The following RTN4RL1 variants were observed in gnomAD, a reference collection of about 807,000 sequenced individuals.
The protein encoded by RTN4RL1 is reticulon 4 receptor like 1.
A neutral mutation model predicts 25.6 loss-of-function variants in RTN4RL1; 7 were observed. That is an observed-to-expected ratio of 0.27 (90% CI 0.16 to 0.51). RTN4RL1 has a LOEUF of 0.51. RTN4RL1 is among the 20% of genes least tolerant of loss of function. The probability of loss-of-function intolerance (pLI) is 0.97; values close to 1 mark genes in which losing one functional copy is unlikely to be tolerated. For synonymous variants in RTN4RL1, 297 were observed against 288.2 expected, an observed-to-expected ratio of 1.03 and a Z score of -0.31; for missense variants, 500 against 615.6, an observed-to-expected ratio of 0.81 and a Z score of 1.99.
At chr17:1,985,298 A>G (rs1285807365) in intron 1 of RTN4RL1, among the ~76,000 whole-genome samples, 1 of 152,120 alleles carries the variant, frequency 6.6e-6, no homozygotes, top group African/African-American at 2.4e-5. Flanking sequence ...CTCCTCTGTC[A>G]ACTCTGCCCG....
At chr17:1,999,457 A>AAC (rs35596203) in intron 1 of RTN4RL1, among the ~76,000 whole-genome samples, 252 of 146,026 alleles carry the variant, frequency 1.7e-3, no homozygotes, top group African/African-American at 4.1e-3. Context: ...AAAAAAATAA[A>AAC]ACACACACAC....
Position 2,025,026 on chromosome 17 carries a change from G to A in RTN4RL1, c.-161C>T. On this transcript the variant is annotated 5_prime_UTR_variant, in exon 1 of 2. Coordinates refer to ENST00000331238, the MANE Select transcript of RTN4RL1 (RefSeq NM_178568.4). The surrounding 1 kb of genome is among the most constrained non-coding windows in gnomAD (Gnocchi z 4.8). ...CGGTGGCCCGGCCCCGCAGGGGCAT[G>A]GTGAGCTCCAGCCCCGCGCCGAGGG... The A allele has an allele frequency of 1.5e-6, 1 of 662,066 alleles. No individual in the cohort carries two copies. Among genetic ancestry groups the A allele is most frequent in the Non-Finnish European group, 2.4e-6 (1 of 414,622 alleles). The allele number at this position is 662,066 out of a possible 1,614,324, so 41.0% of individuals were successfully genotyped here. A position where few individuals can be genotyped will look rare whatever the true frequency, so the allele number is the denominator to read the frequency against.
At chr17:2,000,241 AGCCAAGGATATTGGGT>A (rs1162404299) in intron 1 of RTN4RL1, among the ~76,000 whole-genome samples, 5 of 152,240 alleles carry the variant, frequency 3.3e-5, no homozygotes, top group African/African-American at 1.2e-4. Context: ...TGGAGCCCAG[AGCCAAGGATATTGGGT>A]GCCTTGTTAG....
chr17:1,939,365 A>AATAAATAC (rs1174875680), intron 1 of RTN4RL1, among the ~76,000 whole-genome samples: 5 of 150,998 alleles, frequency 3.3e-5, no homozygotes, highest in South Asian at 2.1e-4. Context: ...TAAATAAATA[A>AATAAATAC]ATAAATAAAT....
chr17:1,961,148 C>T (rs556131521), intron 1 of RTN4RL1, among the ~76,000 whole-genome samples: 2 of 152,236 alleles, frequency 1.3e-5, no homozygotes, highest in South Asian at 4.1e-4. Flanking sequence ...TTGAATGAGC[C>T]GGTTCACTAT....
chr17:1,970,319 C>T (rs192669170), intron 1 of RTN4RL1, among the ~76,000 whole-genome samples: 10 of 152,278 alleles, frequency 6.6e-5, no homozygotes, highest in South Asian at 4.1e-4. Flanking sequence ...CTGTGCCTGG[C>T]GAGGATTTCT....
intron 1 of RTN4RL1, among the ~76,000 whole-genome samples, chr17:2,009,210 A>C (rs1328435560): frequency 4.6e-5 from 7 of 152,222 alleles, no homozygotes; most frequent in Non-Finnish European, 1.0e-4. Context: ...CTGTAATCCC[A>C]GCACTTTGGG....
intron 1 of RTN4RL1, among the ~76,000 whole-genome samples, chr17:1,967,131 C>T (rs983674454): frequency 6.7e-6 from 1 of 149,146 alleles, no homozygotes; most frequent in Non-Finnish European, 1.5e-5. Context: ...TCTGCAGGCC[C>T]CAGGCTCCCG....
chr17:2,015,639 G>C (rs1471093097), intron 1 of RTN4RL1, among the ~76,000 whole-genome samples: 2 of 152,228 alleles, frequency 1.3e-5, no homozygotes, highest in African/African-American at 4.8e-5. Flanking sequence ...GAAAAGGTCT[G>C]TCGGGTTTAG....
chr17:1,969,978 T>C (rs920219276), intron 1 of RTN4RL1, among the ~76,000 whole-genome samples: 1 of 151,224 alleles, frequency 6.6e-6, no homozygotes, highest in African/African-American at 2.4e-5. Context: ...CCTGAGCCTC[T>C]CTCTCTCTCC....
At position 1,994,978 on chromosome 17, in the gene RTN4RL1, A is replaced by G. The variant is rs2066923172; in HGVS notation, c.13+29875T>C. Among the ~76,000 whole-genome samples the G allele has an allele frequency of 6.6e-6, 1 of 151,938 alleles. No individual in the cohort carries two copies. The highest frequency in any genetic ancestry group is 1.5e-5 in the Non-Finnish European group (1 of 67,988). ...AAATGAGATGACAGAGGCTGTCAAC[A>G]GATGGCCAGAAATACTCCCAAGGCC... is the stretch of plus-strand genomic sequence containing the variant. On this transcript the variant is annotated intron_variant, in intron 1 of 1. Transcript: ENST00000331238. The surrounding 1 kb of genome is among the most constrained non-coding windows in gnomAD (Gnocchi z 4.3).
chr17:1,961,961 AAAAGAAAAG>A (rs1425868347), intron 1 of RTN4RL1, among the ~76,000 whole-genome samples: 48 of 146,244 alleles, frequency 3.3e-4, no homozygotes, highest in East Asian at 2.6e-3. Context: ...AAAAAAAAAG[AAAAGAAAAG>A]AAAGAAAAGA....
intron 1 of RTN4RL1, among the ~76,000 whole-genome samples, chr17:1,940,571 G>C (rs4790845): frequency 0.16 from 24,392 of 152,092 alleles, 2,120 homozygotes; most frequent in Non-Finnish European, 0.18. Flanking sequence ...GGAGGCAGGG[G>C]TGTGTTGGGG....
Position 1,974,853 on chromosome 17 carries a change from A to C in RTN4RL1, c.14-37045T>G, listed in dbSNP as rs149021401. 9.8e-3 allele frequency among the ~76,000 whole-genome samples: 1,499 copies of C among 152,340 alleles called. 11 individuals are homozygous for C. Among genetic ancestry groups the C allele is most frequent in the Non-Finnish European group, 0.016 (1,078 of 68,032 alleles). On this transcript the variant is annotated intron_variant, in intron 1 of 1. Transcript: ENST00000331238. ...GCAGGAGCCCACTGGTGTCATCAGC[A>C]TAGGCCAGCTTCCCAGGCATGGTGC...
rs374725889 is a variant in RTN4RL1 at position 2,008,541 on chromosome 17, A to G, written c.13+16312T>C. On this transcript the variant is annotated intron_variant, in intron 1 of 1. Coordinates refer to ENST00000331238, the MANE Select transcript of RTN4RL1 (RefSeq NM_178568.4). ...TTGTAGTGATTTTCTTCTTTTTGCC[A>G]ATCTGTAGGTTTCCAATCTGTGTTT... is the stretch of plus-strand genomic sequence containing the variant. 1.5e-4 allele frequency among the ~76,000 whole-genome samples: 23 copies of G among 151,930 alleles called. No homozygotes were observed. The South Asian group carries it at 4.4e-3, about 29-fold the overall frequency.
intron 1 of RTN4RL1, among the ~76,000 whole-genome samples, chr17:1,995,975 G>A (rs778910839): frequency 1.2e-4 from 19 of 152,182 alleles, no homozygotes; most frequent in Non-Finnish European, 2.1e-4. Context: ...GGCGGGTGGC[G>A]ATAACACTGG....
chr17:2,019,425 C>G (rs1278204946), intron 1 of RTN4RL1: 2 of 152,342 alleles, frequency 1.3e-5, no homozygotes, highest in African/African-American at 4.8e-5. Flanking sequence ...CTTCTCATCT[C>G]CAGCAAGTGA....
At chr17:1,985,719 C>T (rs1366800435) in intron 1 of RTN4RL1, among the ~76,000 whole-genome samples, 1 of 152,148 alleles carries the variant, frequency 6.6e-6, no homozygotes, top group Non-Finnish European at 1.5e-5. Context: ...AGCCAGCCGT[C>T]TGGTGGCTGA....
At position 2,025,042 on chromosome 17, in the gene RTN4RL1, G is replaced by A; in HGVS notation, c.-177C>T. ...CAGGGGCATGGTGAGCTCCAGCCCC[G>A]CGCCGAGGGCACCGGCGCCCGCAAG... On this transcript the variant is annotated 5_prime_UTR_variant, in exon 1 of 2. Coordinates refer to ENST00000331238, the MANE Select transcript of RTN4RL1 (RefSeq NM_178568.4). This position sits in a 1 kb window ranked among gnomAD's most constrained non-coding sequence, Gnocchi z 4.8. 1 of 516,658 alleles carries A rather than the reference G, an allele frequency of 1.9e-6. No individual in the cohort carries two copies. Among genetic ancestry groups the A allele is most frequent in the Non-Finnish European group, 3.2e-6 (1 of 312,748 alleles). The allele number at this position is 516,658 out of a possible 1,614,324, so 32.0% of individuals were successfully genotyped here. A position where few individuals can be genotyped will look rare whatever the true frequency, so the allele number is the denominator to read the frequency against.
Sources: allele counts gnomAD v4.1 joint callset (sites outside exome capture counted in the v4.1 genomes callset), GRCh38; gene constraint gnomAD v4.1.1; non-coding constraint Gnocchi (gnomAD v3.1); transcripts MANE v1.5; gene names NCBI Gene and HGNC (gene_info 2026-07-23, HGNC 2026-07-21).